The following PHC3 variants were observed in gnomAD, a reference collection of about 807,000 sequenced individuals.
The protein encoded by PHC3 is polyhomeotic-like protein 3.
A neutral mutation model predicts 107.4 loss-of-function variants in PHC3; 13 were observed. That is an observed-to-expected ratio of 0.12 (90% confidence interval 0.08 to 0.19). The LOEUF (loss-of-function observed/expected upper bound fraction) is 0.19, where lower values mean the gene tolerates loss of function less well. Ranked by LOEUF, PHC3 falls within the 10% of genes least tolerant of loss-of-function variation. The pLI, the probability that PHC3 is intolerant of heterozygous loss-of-function variation, is 1.00. For missense variants in PHC3, 992 were observed against 1,210.9 expected (o/e 0.82, Z 2.68); for synonymous variants, 456 against 427.4 (o/e 1.07, Z -0.83).
Position 170,114,066 on chromosome 3 carries a change from A to G in PHC3, c.2194-547T>C, listed in dbSNP as rs1718407833. 1.3e-5 allele frequency among the ~76,000 whole-genome samples: 2 copies of G among 151,926 alleles called. 1 individual carries two copies. The highest frequency in any genetic ancestry group is 1.3e-4 in the Admixed American group (2 of 15,240). ...GAGACACAGTTTTGCTCTTGTTGCA[A>G]TGGTGCAATCTTGGCTCACCACAAC... On this transcript the variant is annotated intron_variant, in intron 10 of 14. Transcript: ENST00000495893.
chr3:170,160,287 C>T lies in PHC3; in HGVS notation c.415-11043G>A, dbSNP rs186604150. Among the ~76,000 whole-genome samples the T allele has an allele frequency of 6.8e-4, 103 of 152,308 alleles. 1 individual carries two copies. The highest frequency in any genetic ancestry group is 2.4e-3 in the African/African-American group (98 of 41,578). The stretch of plus-strand genomic sequence containing the variant: ...CTACCTGTTTTAAAAGTTTAGCGTT[C>T]CTCAGCTACTATAATACAATCCTCA... On this transcript the variant is annotated intron_variant, in intron 4 of 14. Transcript: ENST00000495893.
At chr3:170,168,824 T>C (rs927282567) in intron 4 of PHC3, among the ~76,000 whole-genome samples, 3 of 151,858 alleles carry the variant, frequency 2.0e-5, no homozygotes, top group African/African-American at 7.3e-5. Context: ...TGATTCTAAT[T>C]AGAGAAAAGA....
chr3:170,103,564 A>C (rs1007021786), intron 12 of PHC3, among the ~76,000 whole-genome samples: 1 of 152,232 alleles, frequency 6.6e-6, no homozygotes. Flanking sequence ...AGTATTTTTG[A>C]ACATAGACCT....
At chr3:170,156,478 C>G (rs551197170) in intron 4 of PHC3, among the ~76,000 whole-genome samples, 1 of 152,226 alleles carries the variant, frequency 6.6e-6, no homozygotes, top group South Asian at 2.1e-4. Flanking sequence ...TCTCGAACTC[C>G]TGACCTGAAG....
intron 7 of PHC3, among the ~76,000 whole-genome samples, chr3:170,135,440 T>G (rs1312059679): frequency 6.7e-6 from 1 of 149,288 alleles, no homozygotes; most frequent in East Asian, 2.0e-4. Flanking sequence ...CGTGAGCCAC[T>G]GCACCCGCCC....
Position 170,097,444 on chromosome 3 carries a change from C to G in PHC3, c.2834-60G>C, listed in dbSNP as rs76680447. The G allele has an allele frequency of 2.0e-6, 3 of 1,514,028 alleles. No individual in the cohort carries two copies. The African/African-American group carries it at 4.1e-5, about 21-fold the overall frequency. 93.8% of individuals were successfully genotyped at this position (1,514,028 alleles called of 1,614,324 possible). A position where few individuals can be genotyped will look rare whatever the true frequency, so the allele number is the denominator to read the frequency against. ...AATATACAACAATTAGACATTACTC[C>G]TAACAGTCACAGTTATGCTCTCACT... is the stretch of plus-strand genomic sequence containing the variant. On this transcript the variant is annotated intron_variant, in intron 14 of 14. Coordinates refer to ENST00000495893, the MANE Select transcript of PHC3 (RefSeq NM_024947.4). This position sits in a 1 kb window ranked among gnomAD's most constrained non-coding sequence, Gnocchi z 4.1.
chr3:170,168,753 CAAAAA>C (rs59152470), intron 4 of PHC3, among the ~76,000 whole-genome samples: 10 of 77,080 alleles, frequency 1.3e-4, no homozygotes, highest in Non-Finnish European at 2.5e-4. Context: ...GACTCCGTCT[CAAAAA>C]AAAAAAAAAA....
At chr3:170,125,962 C>T (rs1303027409) in intron 8 of PHC3, 7 of 978,598 alleles carry the variant, frequency 7.2e-6, no homozygotes, top group African/African-American at 1.8e-5. Flanking sequence ...CCAAACTTAC[C>T]TCAATAAAGT....
At chr3:170,119,861 T>A (rs551142812) in intron 9 of PHC3, among the ~76,000 whole-genome samples, 1 of 152,146 alleles carries the variant, frequency 6.6e-6, no homozygotes, top group South Asian at 2.1e-4. Context: ...TGTGCTTTAG[T>A]TCCCCCTCAA....
chr3:170,115,193 C>T (rs1718664587), intron 10 of PHC3, among the ~76,000 whole-genome samples: 1 of 151,696 alleles, frequency 6.6e-6, no homozygotes. Flanking sequence ...AAATGGAAAC[C>T]TAATGTCCAA....
At chr3:170,108,094 T>C (rs1287017420) in intron 11 of PHC3, among the ~76,000 whole-genome samples, 1 of 152,204 alleles carries the variant, frequency 6.6e-6, no homozygotes, top group Non-Finnish European at 1.5e-5. Context: ...TGTTAAATTC[T>C]TAAATCAACC....
At chr3:170,165,838 T>C (rs1298626444) in intron 4 of PHC3, among the ~76,000 whole-genome samples, 1 of 148,832 alleles carries the variant, frequency 6.7e-6, no homozygotes, top group South Asian at 2.1e-4. Context: ...CCCAGTAGCA[T>C]GCACCTATAG....
At position 170,122,049 on chromosome 3, in the gene PHC3, T is replaced by C. The variant is rs75065767; in HGVS notation, c.1942+542A>G. Among the ~76,000 whole-genome samples, 592 of 152,062 alleles carry C rather than the reference T, an allele frequency of 3.9e-3. 19 individuals carry two copies. The East Asian group carries it at 0.098, about 25-fold the overall frequency. On this transcript the variant is annotated intron_variant, in intron 9 of 14. Transcript: ENST00000495893. ...AAGCGGATCACTTGTACCCAGGAGT[T>C]TGGGATGAGCCTGGGCAACGGGATG...
At chr3:170,180,564 G>GTTTT (rs199582784) in intron 1 of PHC3, among the ~76,000 whole-genome samples, 3 of 138,856 alleles carry the variant, frequency 2.2e-5, no homozygotes, top group Non-Finnish European at 3.1e-5. Flanking sequence ...TTATGCTTCT[G>GTTTT]TTTTTTTTTT....
At position 170,178,919 on chromosome 3, in the gene PHC3, C is replaced by T. The variant is rs1176412188; in HGVS notation, c.34G>A (p.Ala12Thr). Reference sequence around the variant, plus strand: ...CCCGGGTTTGGTTCAGTATCCATAGCTGTACTATGGTCCTTAAATCTGGCA... The same window carrying T: ...CCCGGGTTTGGTTCAGTATCCATAGTTGTACTATGGTCCTTAAATCTGGCA... ...AEAEFKDHST[A>T]MDTEPNPGTS... The change falls in exon 2 of 15, where the codon GCT (alanine) becomes ACT (threonine). Residue 12 changes from alanine (A) to threonine (T), a missense_variant. By Grantham distance (58) the Ala-to-Thr change is moderately conservative. Coordinates refer to ENST00000495893, the MANE Select transcript of PHC3 (RefSeq NM_024947.4). 3.7e-6 allele frequency: 6 copies of T among 1,613,594 alleles called. No individual in the cohort carries two copies. Among genetic ancestry groups the T allele is most frequent in the Non-Finnish European group, 5.1e-6 (6 of 1,179,712 alleles).
intron 11 of PHC3, 34 bp downstream of exon 11, chr3:170,113,326 A>C: frequency 6.4e-7 from 1 of 1,561,096 alleles, no homozygotes; most frequent in South Asian, 1.2e-5. Context: ...AGTCAAAGTT[A>C]AATTAAAGGG....
intron 8 of PHC3, chr3:170,128,439 T>C (rs1038105939): frequency 2.3e-6 from 3 of 1,281,122 alleles, no homozygotes; most frequent in Non-Finnish European, 3.1e-6. Flanking sequence ...TTTGTTTAAA[T>C]AGTAATAAAA....
At chr3:170,103,819 A>C (rs1205024528) in intron 12 of PHC3, among the ~76,000 whole-genome samples, 1 of 152,230 alleles carries the variant, frequency 6.6e-6, no homozygotes, top group Non-Finnish European at 1.5e-5. Flanking sequence ...TGGGAGGCCA[A>C]GGTGGGTGGA....
chr3:170,102,466 A>C lies in PHC3; in HGVS notation c.2833+13T>G, dbSNP rs1715671325. On this transcript the variant is annotated intron_variant, in intron 14 of 14. Transcript: ENST00000495893. ...CAAGAAAAATATTAAGGCCAAAGTGATGAATTACATACCAGGCAAAGAATG... is the reference window on the plus strand; with the variant it reads ...CAAGAAAAATATTAAGGCCAAAGTGCTGAATTACATACCAGGCAAAGAATG... 12 of 1,610,742 alleles carry C rather than the reference A, an allele frequency of 7.4e-6. No individual in the cohort carries two copies. Among genetic ancestry groups the C allele is most frequent in the Non-Finnish European group, 8.5e-6 (10 of 1,178,368 alleles).
Sources: gnomAD v4.1 joint callset for allele counts (sites outside exome capture counted in the v4.1 genomes callset) on GRCh38, gnomAD v4.1.1 for gene constraint, Gnocchi (gnomAD v3.1) non-coding constraint, MANE v1.5 for transcripts, NCBI Gene and HGNC (gene_info 2026-07-23, HGNC 2026-07-21) for gene names.